Variants in PAM observed in about 807,000 individuals in gnomAD.
PAM encodes peptidyl-glycine alpha-amidating monooxygenase.
Under a neutral mutation model 122.1 loss-of-function variants are expected in PAM, and 72 were observed. The ratio of observed to expected loss-of-function variants is 0.59; its 90% CI spans 0.49 to 0.72. The LOEUF is 0.72. Among genes scored for constraint, PAM ranks in the 30% least tolerant of loss-of-function variants. The probability of loss-of-function intolerance (pLI) is 0.00; values close to 1 mark genes in which losing one functional copy is unlikely to be tolerated. For missense variants in PAM, 1,106 were observed against 1,183.7 expected, an observed-to-expected ratio of 0.93 and a Z score of 0.96; for synonymous variants, 389 against 404.4, an observed-to-expected ratio of 0.96 and a Z score of 0.46.
intron 17 of PAM, among the ~76,000 whole-genome samples, chr5:103,003,725 G>C (rs1256021722): frequency 6.6e-6 from 1 of 152,032 alleles, no homozygotes; most frequent in Non-Finnish European, 1.5e-5. Flanking sequence ...TTGATTAAGT[G>C]AGTTGCTGCT....
intron 1 of PAM, among the ~76,000 whole-genome samples, chr5:102,784,837 A>G (rs1372633601): frequency 6.6e-6 from 1 of 152,214 alleles, no homozygotes; most frequent in Non-Finnish European, 1.5e-5. Flanking sequence ...GTTTACTAGG[A>G]ATTTTTAGGC....
At chr5:102,887,974 G>A (rs1793661515) in intron 3 of PAM, among the ~76,000 whole-genome samples, 1 of 151,896 alleles carries the variant, frequency 6.6e-6, no homozygotes, top group Non-Finnish European at 1.5e-5. Flanking sequence ...TGCTATGGTA[G>A]CTCTCCTAGC....
intron 1 of PAM, among the ~76,000 whole-genome samples, chr5:102,771,098 CAAAA>C (rs1755668785): frequency 6.6e-6 from 1 of 151,934 alleles, no homozygotes; most frequent in Admixed American, 6.6e-5. Context: ...GTAGAGAAAA[CAAAA>C]AAGCCAGTTT....
chr5:102,894,178 A>G (rs1795522148), intron 3 of PAM, among the ~76,000 whole-genome samples: 1 of 151,672 alleles, frequency 6.6e-6, no homozygotes, highest in Admixed American at 6.6e-5. Flanking sequence ...AGTCTTGGGA[A>G]GAGCTTGAAC....
At chr5:102,925,363 G>C (rs1749059704) in intron 6 of PAM, among the ~76,000 whole-genome samples, 1 of 152,188 alleles carries the variant, frequency 6.6e-6, no homozygotes, top group Non-Finnish European at 1.5e-5. Flanking sequence ...AAGAGAGCTA[G>C]GAATTAAATA....
chr5:102,992,819 A>G, intron 16 of PAM, among the ~76,000 whole-genome samples: 1 of 152,152 alleles, frequency 6.6e-6, no homozygotes, highest in Non-Finnish European at 1.5e-5. Flanking sequence ...GGTTCACAGA[A>G]TTGTAGGTTC....
chr5:102,903,945 T>C (rs111275128), intron 4 of PAM, among the ~76,000 whole-genome samples: 5 of 151,494 alleles, frequency 3.3e-5, no homozygotes, highest in African/African-American at 1.2e-4. Flanking sequence ...AAAGGAAAAA[T>C]AAACCTCAAA....
chr5:103,028,120 T>G, intron 24 of PAM, 65 bp from the exon 25 acceptor site: 1 of 1,227,652 alleles, frequency 8.1e-7, no homozygotes, highest in Admixed American at 1.7e-5. Context: ...AAGTTGGAAG[T>G]TGAGTGCATG....
intron 1 of PAM, among the ~76,000 whole-genome samples, chr5:102,845,159 G>A (rs954560056): frequency 1.3e-5 from 2 of 152,190 alleles, no homozygotes; most frequent in African/African-American, 4.8e-5. Context: ...GCAGCTGTTT[G>A]TAACTAAGGT....
intron 1 of PAM, among the ~76,000 whole-genome samples, chr5:102,859,963 ACAG>A (rs1218919211): frequency 1.3e-5 from 2 of 152,242 alleles, no homozygotes; most frequent in Non-Finnish European, 2.9e-5. Context: ...TTATGTAAGT[ACAG>A]CCAATGATGT....
intron 1 of PAM, among the ~76,000 whole-genome samples, chr5:102,773,593 C>A (rs1177493269): frequency 6.6e-6 from 1 of 152,082 alleles, no homozygotes; most frequent in East Asian, 1.9e-4. Context: ...AGCTTGCAGG[C>A]AGTGCAGAAA....
In PAM at chr5:102,802,035, G is replaced by A. The variant is rs533181700; in HGVS notation, c.-374+46687G>A. ...CCTGACCTCGTGATCCACCCGCCTCGGCCTCCCAAAGTGCTGGGATTACAG... is the reference window on the plus strand; with the variant it reads ...CCTGACCTCGTGATCCACCCGCCTCAGCCTCCCAAAGTGCTGGGATTACAG... On this transcript the variant is annotated intron_variant, in intron 1 of 25. Coordinates refer to ENST00000438793, the MANE Select transcript of PAM (RefSeq NM_001177306.2). Among the ~76,000 whole-genome samples, 5 of 151,660 alleles carry A rather than the reference G, an allele frequency of 3.3e-5. No individual in the cohort carries two copies. In the East Asian group the frequency reaches 9.8e-4, roughly 30 times the overall value.
intron 1 of PAM, among the ~76,000 whole-genome samples, chr5:102,794,620 T>A (rs1347830915): frequency 1.3e-5 from 2 of 152,182 alleles, no homozygotes; most frequent in Admixed American, 6.5e-5. Context: ...AACAGTGATA[T>A]TTATATTTAT....
At chr5:103,002,372 TTTAA>T (rs1777663999) in intron 16 of PAM, among the ~76,000 whole-genome samples, 1 of 152,302 alleles carries the variant, frequency 6.6e-6, no homozygotes, top group African/African-American at 2.4e-5. Flanking sequence ...ATTTAAGTTT[TTTAA>T]TTAATTATTG....
chr5:102,966,507 TC>T (rs1175139759), intron 14 of PAM, among the ~76,000 whole-genome samples: 1 of 152,136 alleles, frequency 6.6e-6, no homozygotes, highest in Non-Finnish European at 1.5e-5. Flanking sequence ...TCATTTGTGA[TC>T]CTTGAGCTGG....
intron 15 of PAM, among the ~76,000 whole-genome samples, chr5:102,987,921 A>T (rs778260092): frequency 6.6e-6 from 1 of 152,210 alleles, no homozygotes; most frequent in Non-Finnish European, 1.5e-5. Flanking sequence ...AAATATTTCT[A>T]AAGCAAATTA....
chr5:102,901,067 A>G (rs1371464565), intron 3 of PAM, among the ~76,000 whole-genome samples: 3 of 151,652 alleles, frequency 2.0e-5, no homozygotes, highest in East Asian at 3.9e-4. Context: ...CTCTTTTTAT[A>G]AAAGCATCTA....
At chr5:102,955,660 T>C (rs1392846948) in intron 12 of PAM, among the ~76,000 whole-genome samples, 5 of 152,044 alleles carry the variant, frequency 3.3e-5, no homozygotes, top group Non-Finnish European at 5.9e-5. Context: ...TTTTGGAATG[T>C]AAGTAATGCC....
chr5:102,933,322 A>G (rs1752204011), intron 7 of PAM, among the ~76,000 whole-genome samples: 1 of 152,246 alleles, frequency 6.6e-6, no homozygotes, highest in African/African-American at 2.4e-5. Context: ...GCAGCCCTTA[A>G]GGGAAACTTT....
Sources: allele counts gnomAD v4.1 joint callset (sites outside exome capture counted in the v4.1 genomes callset), GRCh38; gene constraint gnomAD v4.1.1; transcripts MANE v1.5; gene names NCBI Gene and HGNC (gene_info 2026-07-23, HGNC 2026-07-21).